Variants in NLRP7 observed in about 807,000 individuals in gnomAD.
NLRP7 encodes NLR family pyrin domain containing 7, also known as NACHT, LRR and PYD domains-containing protein 7.
Under a neutral mutation model 85.5 loss-of-function variants are expected in NLRP7, and 72 were observed. The ratio of observed to expected loss-of-function variants is 0.84; its 90% confidence interval spans 0.70 to 1.02. NLRP7 has a LOEUF of 1.02. NLRP7 is among the 50% of genes least tolerant of loss of function. The pLI is 0.00. For missense variants in NLRP7, 1,243 were observed against 1,219.5 expected (o/e 1.02, Z -0.29); for synonymous variants, 550 against 505.2 (o/e 1.09, Z -1.19).
exon 4 of NLRP7, chr19:54,939,270 G>C (rs375006955): frequency 1.9e-6 from 3 of 1,614,010 alleles, no homozygotes; most frequent in African/African-American, 2.7e-5. Flanking sequence ...TGTCCTACTT[G>C]AATCAGGTCG....
intron 8 of NLRP7, 91 bp downstream of exon 8, chr19:54,933,478 A>G (rs987137433): frequency 2.2e-5 from 34 of 1,517,484 alleles, no homozygotes; most frequent in Admixed American, 9.0e-5. Flanking sequence ...CAGGTTTTTA[A>G]AAGTTACATT....
At chr19:54,945,981 T>C (rs1288947631) in intron 1 of NLRP7, among the ~76,000 whole-genome samples, 2 of 151,652 alleles carry the variant, frequency 1.3e-5, no homozygotes, top group Non-Finnish European at 2.9e-5. Context: ...TTAGTAGAGA[T>C]GGGGTTTCAC....
At position 54,934,750 on chromosome 19, in the gene NLRP7, C is replaced by T; in HGVS notation, c.2301-91G>A. 1.8e-6 allele frequency: 2 copies of T among 1,111,968 alleles called. No individual in the cohort carries two copies. Among genetic ancestry groups the T allele is most frequent in the South Asian group, 1.6e-5 (1 of 62,976 alleles). 68.9% of individuals were successfully genotyped at this position (1,111,968 alleles called of 1,614,324 possible). A position where few individuals can be genotyped will look rare whatever the true frequency, so the allele number is the denominator to read the frequency against. On this transcript the variant is annotated intron_variant, in intron 6 of 9. Transcript: ENST00000340844. This position sits in a 1 kb window ranked among gnomAD's most constrained non-coding sequence, Gnocchi z 6.7. ...TTTGAGACAGAGTTTCACTCTGTTG[C>T]CCAGTCTGGAATGCAAAGGCGTGAT...
intron 1 of NLRP7, among the ~76,000 whole-genome samples, chr19:54,957,855 G>A (rs2069909030): frequency 6.6e-6 from 1 of 152,090 alleles, no homozygotes; most frequent in Admixed American, 6.6e-5. Flanking sequence ...CACACTGGAG[G>A]GCCATGGAGC....
chr19:54,938,749 A>G (rs773545608), intron 4 of NLRP7, 139 bp downstream of exon 4: 30 of 955,240 alleles, frequency 3.1e-5, no homozygotes, highest in Non-Finnish European at 4.8e-5. Flanking sequence ...CCCAATTCCT[A>G]ATTGCCAAGT....
chr19:54,939,080 T>A, exon 4 of NLRP7: 1 of 1,614,190 alleles, frequency 6.2e-7, no homozygotes, highest in Non-Finnish European at 8.5e-7. Flanking sequence ...CAGCTCCTCC[T>A]CCTGAGACTC....
chr19:54,927,242 A>G (rs269929), intron 9 of NLRP7, among the ~76,000 whole-genome samples: 84,209 of 151,290 alleles, frequency 0.56, 23,639 homozygotes, highest in East Asian at 0.72. Flanking sequence ...TTAGCCAGGC[A>G]TGGTGGCAGG....
chr19:54,954,145 C>T (rs1389822679), intron 1 of NLRP7, among the ~76,000 whole-genome samples: 1 of 149,372 alleles, frequency 6.7e-6, no homozygotes, highest in East Asian at 1.9e-4. Context: ...AATGCCATGG[C>T]AATGTCAGGA....
chr19:54,962,672 T>G (rs1054213051), intron 1 of NLRP7, among the ~76,000 whole-genome samples: 3 of 151,526 alleles, frequency 2.0e-5, no homozygotes, highest in African/African-American at 7.3e-5. Flanking sequence ...CGATCTCAGC[T>G]CACTGCAAGC....
rs570813831 is a variant in NLRP7 at position 54,934,261 on chromosome 19, G to C, written c.2471+228C>G. 1.3e-5 allele frequency among the ~76,000 whole-genome samples: 2 copies of C among 152,200 alleles called. No individual in the cohort carries two copies. Among genetic ancestry groups the C allele is most frequent in the Non-Finnish European group, 2.9e-5 (2 of 67,994 alleles). On this transcript the variant is annotated intron_variant, in intron 7 of 9. Coordinates refer to ENST00000340844, the Ensembl canonical transcript of NLRP7. The surrounding 1 kb of genome is among the most constrained non-coding windows in gnomAD (Gnocchi z 6.7). ...CGGCCTGTTTTTGGTATTTTTAATAGAAACAGGGTTTCACCATGTTGGCCA... is the reference window on the plus strand; with the variant it reads ...CGGCCTGTTTTTGGTATTTTTAATACAAACAGGGTTTCACCATGTTGGCCA...
intron 4 of NLRP7, 118 bp downstream of exon 4, chr19:54,938,770 C>G (rs1044636451): frequency 2.7e-6 from 3 of 1,131,276 alleles, no homozygotes; most frequent in Non-Finnish European, 4.0e-6. Flanking sequence ...CGTGTCTCCA[C>G]GTTGAACATG....
At chr19:54,953,975 C>G (rs994033445) in intron 1 of NLRP7, among the ~76,000 whole-genome samples, 9 of 151,720 alleles carry the variant, frequency 5.9e-5, no homozygotes, top group Non-Finnish European at 1.2e-4. Flanking sequence ...CCACTGCACT[C>G]CAGCCTGGGT....
chr19:54,947,551 C>A (rs182078376), upstream of NLRP7: 3 of 1,289,544 alleles, frequency 2.3e-6, no homozygotes, highest in Non-Finnish European at 3.0e-6. Context: ...GCCCTTGGTA[C>A]GCTAGGTGGA....
At chr19:54,941,027 G>T in intron 2 of NLRP7, 22 bp from the exon 3 acceptor site, 3 of 1,502,796 alleles carry the variant, frequency 2.0e-6, no homozygotes, top group Middle Eastern at 1.7e-4. Context: ...TTAGATGTAA[G>T]CCTGACACAG....
chr19:54,941,431 T>C lies in NLRP7; in HGVS notation c.277+4A>G, dbSNP rs746263634. 2 of 1,495,238 alleles carry C rather than the reference T, an allele frequency of 1.3e-6. No homozygotes were observed. Among genetic ancestry groups the C allele is most frequent in the South Asian group, 2.3e-5 (2 of 88,796 alleles). The allele number at this position is 1,495,238 out of a possible 1,614,324, so 92.6% of individuals were successfully genotyped here. On this transcript the variant is annotated splice_donor_region_variant and intron_variant, in intron 2 of 9. Transcript: ENST00000340844. ...ATGACCAGGACACCCCAGGTTCTAC[T>C]TACCCATCATCTCAGCCTTTGCCAT...
chr19:54,940,386 T>G, exon 4 of NLRP7: 1 of 1,614,124 alleles, frequency 6.2e-7, no homozygotes, highest in African/African-American at 1.3e-5. Flanking sequence ...TCATGGAAAT[T>G]GTCAATGTCT....
At chr19:54,937,594 A>G (rs987306570) in intron 5 of NLRP7, among the ~76,000 whole-genome samples, 15 of 151,104 alleles carry the variant, frequency 9.9e-5, no homozygotes, top group African/African-American at 3.6e-4. Flanking sequence ...TCTGTCTCAG[A>G]AAAAATAAAA....
chr19:54,940,953 T>G (rs755257760), exon 3 of NLRP7: 26 of 1,612,648 alleles, frequency 1.6e-5, no homozygotes, highest in East Asian at 2.2e-5. Flanking sequence ...ACTCCGAGTC[T>G]TCTTCTGCAT....
rs139822428 is a variant in NLRP7, at chr19:54,926,529, C to G, written c.2811-2657G>C. 4.3e-3 allele frequency among the ~76,000 whole-genome samples: 661 copies of G among 152,174 alleles called. 7 individuals carry two copies. Among genetic ancestry groups the G allele is most frequent in the African/African-American group, 0.015 (642 of 41,536 alleles). On this transcript the variant is annotated intron_variant, in intron 9 of 9. Coordinates refer to ENST00000340844, the Ensembl canonical transcript of NLRP7. ...GCACAGTGGCTCACGCCTGTAATCC[C>G]GGCACTTTGAGAGGCTGAGGCAGGT... is the stretch of plus-strand genomic sequence containing the variant.
Sources: gnomAD v4.1 joint callset for allele counts (sites outside exome capture counted in the v4.1 genomes callset) on GRCh38, gnomAD v4.1.1 for gene constraint, Gnocchi (gnomAD v3.1) non-coding constraint, MANE v1.5 for transcripts, NCBI Gene and HGNC (gene_info 2026-07-23, HGNC 2026-07-21) for gene names.